PTPRD: variants seen among roughly 807,000 people sequenced by gnomAD.
PTPRD encodes the protein protein tyrosine phosphatase receptor type D, also known as receptor-type tyrosine-protein phosphatase delta.
PTPRD carries 34 observed loss-of-function variants against 214.5 expected under a neutral mutation model. The observed-to-expected ratio is 0.16, with a 90% confidence interval of 0.12 to 0.21. The LOEUF is 0.21. PTPRD is among the 10% of genes least tolerant of loss of function. The pLI is 1.00. For synonymous variants in PTPRD, 1,128 were observed against 845.7 expected, an observed-to-expected ratio of 1.33 and a Z score of -5.79; for missense variants, 2,545 against 2,398.7, an observed-to-expected ratio of 1.06 and a Z score of -1.27.
Position 8,500,893 on chromosome 9 carries a change from C to T in PTPRD, c.1989G>A (p.Leu663=), listed in dbSNP as rs2097389558. The stretch of plus-strand genomic sequence containing the variant: ...ATTTGGTAGTGTCCGAAGGAATTCC[C>T]AAAATCTCGTGAGGCTTGTCATCTT... The part of the protein sequence containing the change: ...DGEDDKPHEI[L]GIPSDTTKYL... The change falls in exon 24 of 46, where the codon TTG becomes TTA. Residue 663 remains leucine, a synonymous_variant. Coordinates refer to ENST00000381196, the MANE Select transcript of PTPRD (RefSeq NM_002839.4). 2 of 1,613,958 alleles carry T rather than the reference C, an allele frequency of 1.2e-6. No individual in the cohort carries two copies. The highest frequency in any genetic ancestry group is 1.3e-5 in the African/African-American group (1 of 74,886).
intron 5 of PTPRD, among the ~76,000 whole-genome samples, chr9:9,789,494 A>G (rs927919298): frequency 2.0e-5 from 3 of 152,098 alleles, no homozygotes; most frequent in Non-Finnish European, 4.4e-5. Context: ...CATATTCCCT[A>G]GGTGATTAAA....
intron 10 of PTPRD, among the ~76,000 whole-genome samples, chr9:9,150,263 T>C (rs1592469327): frequency 6.6e-6 from 1 of 152,176 alleles, no homozygotes; most frequent in Non-Finnish European, 1.5e-5. Context: ...ATAATCATTC[T>C]GCATCTTCCA....
intron 10 of PTPRD, among the ~76,000 whole-genome samples, chr9:9,148,946 T>C (rs1016727360): frequency 2.0e-5 from 3 of 152,216 alleles, no homozygotes; most frequent in Admixed American, 2.0e-4. Context: ...ATGGTCTTAG[T>C]AGGCTAATAC....
Position 9,166,898 on chromosome 9 carries a change from C to G in PTPRD, c.-143+16406G>C, listed in dbSNP as rs183735616. ...AGTTATAAGAGTCATATAGCTGGAC[C>G]AAAGCCACCACCTATTTTTGAAAAC... is the stretch of plus-strand genomic sequence containing the variant. On this transcript the variant is annotated intron_variant, in intron 10 of 45. Coordinates refer to ENST00000381196, the MANE Select transcript of PTPRD (RefSeq NM_002839.4). 5.9e-5 allele frequency among the ~76,000 whole-genome samples: 9 copies of G among 152,160 alleles called. No homozygotes were observed. The East Asian group carries it at 1.7e-3, about 29-fold the overall frequency.
intron 3 of PTPRD, among the ~76,000 whole-genome samples, chr9:10,217,798 G>T (rs1414310979): frequency 1.3e-5 from 2 of 151,892 alleles, no homozygotes; most frequent in African/African-American, 2.4e-5. Flanking sequence ...CATTTAGGAA[G>T]GAGATGCAAG....
rs35074557 is a variant in PTPRD, at chr9:8,909,866, CAAA to C, written c.-104+108828_-104+108830del. 2.5e-4 allele frequency among the ~76,000 whole-genome samples: 30 copies of C among 121,836 alleles called. 1 individual carries two copies. The highest frequency in any genetic ancestry group is 6.1e-4 in the African/African-American group (19 of 31,184). The allele number at this position is 121,836 out of a possible 152,430, so 79.9% of individuals were successfully genotyped here. ...GAGATGGAGAGAGAGATATTAAAGG[CAAA>C]AAAAAAAAAAAAGAAAGAAAAAGAA... On this transcript the variant is annotated intron_variant, in intron 11 of 45. Coordinates refer to ENST00000381196, the MANE Select transcript of PTPRD (RefSeq NM_002839.4).
intron 10 of PTPRD, among the ~76,000 whole-genome samples, chr9:9,067,791 T>C (rs1300580702): frequency 6.6e-6 from 1 of 152,206 alleles, no homozygotes; most frequent in African/African-American, 2.4e-5. Flanking sequence ...CAATACAATC[T>C]ATTGATCTTG....
intron 4 of PTPRD, among the ~76,000 whole-genome samples, chr9:10,026,020 A>T (rs1285155538): frequency 6.6e-6 from 1 of 152,212 alleles, no homozygotes; most frequent in Non-Finnish European, 1.5e-5. Flanking sequence ...AATGGATCTC[A>T]GTAGAGTTCA....
chr9:9,195,445 T>C (rs1347162948), intron 9 of PTPRD, among the ~76,000 whole-genome samples: 4 of 152,138 alleles, frequency 2.6e-5, no homozygotes, highest in Non-Finnish European at 2.9e-5. Flanking sequence ...CAATTGGTCA[T>C]ATCCGTAGTA....
At chr9:9,484,605 A>C (rs1456191370) in intron 8 of PTPRD, among the ~76,000 whole-genome samples, 1 of 152,182 alleles carries the variant, frequency 6.6e-6, no homozygotes, top group African/African-American at 2.4e-5. Flanking sequence ...GTTTACATTC[A>C]TTCAGTGCCC....
Position 8,484,279 on chromosome 9 carries a change from G to A in PTPRD, c.3253C>T (p.Leu1085=), listed in dbSNP as rs2096951029. Residue 1085 remains leucine, a synonymous_variant, in exon 30 of 46, where the codon CTG becomes TTG. Transcript: ENST00000381196. ...CCAGCACTGTTTCCACGATTTGTCA[G>A]CACAAATGAATATGATTTCTCAGGC... ...LKPEKSYSFV[L]TNRGNSAGGL... The A allele has an allele frequency of 1.2e-6, 2 of 1,614,060 alleles. No homozygotes were observed. Among genetic ancestry groups the A allele is most frequent in the African/African-American group, 1.3e-5 (1 of 75,010 alleles).
At chr9:9,670,902 G>A (rs2154386485) in intron 7 of PTPRD, among the ~76,000 whole-genome samples, 1 of 152,232 alleles carries the variant, frequency 6.6e-6, no homozygotes, top group South Asian at 2.1e-4. Context: ...GGGCTGTGAG[G>A]AAAGGAAATG....
chr9:8,806,823 C>T (rs1263465064), intron 11 of PTPRD, among the ~76,000 whole-genome samples: 2 of 152,186 alleles, frequency 1.3e-5, no homozygotes, highest in African/African-American at 2.4e-5. Flanking sequence ...AGTACTCAAA[C>T]ACACTCCCTC....
chr9:8,684,632 G>C lies in PTPRD; in HGVS notation c.65-47788C>G, dbSNP rs183958047. 4.6e-3 allele frequency among the ~76,000 whole-genome samples: 695 copies of C among 152,158 alleles called. 9 individuals are homozygous for C. Among genetic ancestry groups the C allele is most frequent in the African/African-American group, 0.016 (655 of 41,520 alleles). ...TTTACAGACTAATACACAAATTATA[G>C]TAATTTCTATATATGTTGAAAAATA... is the stretch of plus-strand genomic sequence containing the variant. On this transcript the variant is annotated intron_variant, in intron 12 of 45. Transcript: ENST00000381196.
chr9:9,588,684 T>C (rs2092372630), intron 7 of PTPRD, among the ~76,000 whole-genome samples: 2 of 151,974 alleles, frequency 1.3e-5, no homozygotes, highest in Admixed American at 1.3e-4. Context: ...ATTATATTAC[T>C]TCCACTACCA....
intron 8 of PTPRD, among the ~76,000 whole-genome samples, chr9:9,454,350 A>C (rs879349753): frequency 6.6e-6 from 1 of 151,654 alleles, no homozygotes; most frequent in Non-Finnish European, 1.5e-5. Context: ...CATACCAGCC[A>C]CCCATTCTTG....
chr9:10,125,987 T>G (rs2098816433), intron 3 of PTPRD, among the ~76,000 whole-genome samples: 1 of 152,116 alleles, frequency 6.6e-6, no homozygotes, highest in South Asian at 2.1e-4. Context: ...GTAAAATAGA[T>G]TATTAATTTT....
chr9:9,226,098 T>A (rs1374481885), intron 9 of PTPRD, among the ~76,000 whole-genome samples: 1 of 151,966 alleles, frequency 6.6e-6, no homozygotes, highest in Admixed American at 6.6e-5. Context: ...TGACGTTACC[T>A]CTACCAGATA....
At chr9:10,587,790 TTAGTC>T (rs1341509331) in intron 2 of PTPRD, among the ~76,000 whole-genome samples, 1 of 151,958 alleles carries the variant, frequency 6.6e-6, no homozygotes, top group African/African-American at 2.4e-5. Context: ...CCTCCACACT[TTAGTC>T]TAGTGAAGGG....
Sources: gnomAD v4.1 joint callset for allele counts (sites outside exome capture counted in the v4.1 genomes callset) on GRCh38, gnomAD v4.1.1 for gene constraint, MANE v1.5 for transcripts, NCBI Gene and HGNC (gene_info 2026-07-23, HGNC 2026-07-21) for gene names.